SPATA33: variants seen among roughly 807,000 people sequenced by gnomAD.
SPATA33 encodes spermatogenesis-associated protein 33.
Under a neutral mutation model 8.9 loss-of-function variants are expected in SPATA33, and 10 were observed. That is an observed-to-expected ratio of 1.12 (90% CI 0.69 to 1.90). The LOEUF is 1.90. SPATA33 is among the 40% of genes most tolerant of loss of function. SPATA33 has a pLI of 0.00. For missense variants in SPATA33, 241 were observed against 178.3 expected (o/e 1.35, Z -2.00); for synonymous variants, 96 against 72.8 (o/e 1.32, Z -1.63).
chr16:89,657,960 G>A lies in SPATA33; in HGVS notation c.37+12G>A. Reference sequence around the variant, plus strand: ...GAAACCCAGGAAAGGTAAAGGAGGCGCAGGCGCTGGGCTCCCCGCGTCTCC... The same window carrying A: ...GAAACCCAGGAAAGGTAAAGGAGGCACAGGCGCTGGGCTCCCCGCGTCTCC... On this transcript the variant is annotated intron_variant, in intron 1 of 2. Transcript: ENST00000579310. 10 of 1,511,884 alleles carry A rather than the reference G, an allele frequency of 6.6e-6. No homozygotes were observed. Among genetic ancestry groups the A allele is most frequent in the Non-Finnish European group, 8.8e-6 (10 of 1,137,776 alleles). 93.7% of individuals were successfully genotyped at this position (1,511,884 alleles called of 1,614,324 possible).
At chr16:89,658,221 G>C in intron 1 of SPATA33, 27 bp from the exon 2 acceptor site, 1 of 1,613,466 alleles carries the variant, frequency 6.2e-7, no homozygotes, top group Non-Finnish European at 8.5e-7. Flanking sequence ...TAAGTCCCGG[G>C]TCTAACGGAT....
upstream of SPATA33, chr16:89,657,793 G>A (rs1407101320): frequency 2.1e-6 from 3 of 1,463,222 alleles, no homozygotes; most frequent in South Asian, 2.8e-5. Flanking sequence ...TGCGCGGCGC[G>A]CGGTCGCCAT....
chr16:89,662,587 C>A lies in SPATA33; in HGVS notation c.211+4166C>A, dbSNP rs550555473. ...TACAGGCGCCCGCCATGACGCCCAG[C>A]TAATTTTTTTTGTATTTTTAGTAGA... is the stretch of plus-strand genomic sequence containing the variant. On this transcript the variant is annotated intron_variant, in intron 2 of 2. Coordinates refer to ENST00000579310, the MANE Select transcript of SPATA33 (RefSeq NM_001271907.2). Among the ~76,000 whole-genome samples the A allele has an allele frequency of 9.9e-5, 15 of 151,908 alleles. No individual in the cohort carries two copies. In the South Asian group the frequency reaches 3.1e-3, roughly 32 times the overall value.
At chr16:89,661,453 G>A (rs1429981070) in intron 2 of SPATA33, 2 of 153,378 alleles carry the variant, frequency 1.3e-5, no homozygotes, top group Non-Finnish European at 2.9e-5. Flanking sequence ...TGATTGTGAG[G>A]CGTCCCCAGC....
chr16:89,666,729 G>A (rs1343950573), intron 2 of SPATA33, among the ~76,000 whole-genome samples: 1 of 152,226 alleles, frequency 6.6e-6, no homozygotes, highest in Non-Finnish European at 1.5e-5. Context: ...CAAAGGGGCA[G>A]GGTTAGGAGT....
Position 89,663,439 on chromosome 16 carries a change from C to G in SPATA33, c.211+5018C>G, listed in dbSNP as rs1038754672. Reference sequence around the variant, plus strand: ...TGTTGGTCAGGCTGGTCTCAAACTCCCGACCTCAGGTGATCCGCTTGCCTC... The same window carrying G: ...TGTTGGTCAGGCTGGTCTCAAACTCGCGACCTCAGGTGATCCGCTTGCCTC... On this transcript the variant is annotated intron_variant, in intron 2 of 2. Coordinates refer to ENST00000579310, the MANE Select transcript of SPATA33 (RefSeq NM_001271907.2). Among the ~76,000 whole-genome samples, 3 of 151,952 alleles carry G rather than the reference C, an allele frequency of 2.0e-5. No individual in the cohort carries two copies. In the South Asian group the frequency reaches 6.2e-4, roughly 31 times the overall value.
At chr16:89,658,023 C>A in intron 1 of SPATA33, 75 bp downstream of exon 1, 1 of 1,476,712 alleles carries the variant, frequency 6.8e-7, no homozygotes, top group Non-Finnish European at 8.9e-7. Context: ...CTGGGCTGGG[C>A]GGGGCGGTGT....
chr16:89,665,380 C>G (rs1479631268), intron 2 of SPATA33, among the ~76,000 whole-genome samples: 1 of 152,026 alleles, frequency 6.6e-6, no homozygotes, highest in East Asian at 1.9e-4. Flanking sequence ...TCTCTGCTCA[C>G]TGCAAGCTCC....
chr16:89,661,314 T>C (rs763301230), intron 2 of SPATA33: 1 of 638,262 alleles, frequency 1.6e-6, no homozygotes, highest in South Asian at 6.9e-5. Flanking sequence ...TTTCCTGTGC[T>C]GTTTTCGTGA....
rs1006311345 is a variant in SPATA33, at chr16:89,669,478, A to G, written c.404A>G (p.Asn135Ser). The change falls in exon 3 of 3, where the codon AAT becomes AGT. Residue 135 changes from asparagine (N) to serine (S), a missense_variant. Coordinates refer to ENST00000579310, the MANE Select transcript of SPATA33 (RefSeq NM_001271907.2). The stretch of plus-strand genomic sequence containing the variant: ...AACCCCAGTACAGCAGACGCCTATA[A>G]TTCACATCTCAAAGAATAAACAAGC... ...HRNPSTADAY[N>S]SHLKE The G allele has an allele frequency of 6.2e-7, 1 of 1,612,898 alleles. No homozygotes were observed. Among genetic ancestry groups the G allele is most frequent in the Non-Finnish European group, 8.5e-7 (1 of 1,179,992 alleles).
At chr16:89,669,205 C>T in intron 2 of SPATA33, 81 bp from the exon 3 acceptor site, 2 of 1,329,562 alleles carry the variant, frequency 1.5e-6, no homozygotes, top group Non-Finnish European at 2.2e-6. Context: ...TTCCTTTACT[C>T]TGACCAATGG....
intron 2 of SPATA33, among the ~76,000 whole-genome samples, chr16:89,666,123 C>T (rs1006144122): frequency 2.0e-5 from 3 of 151,972 alleles, no homozygotes; most frequent in African/African-American, 7.2e-5. Context: ...TAGGAAACAT[C>T]TGGAAAACCA....
chr16:89,664,434 G>T (rs1041208888), intron 2 of SPATA33, among the ~76,000 whole-genome samples: 6 of 152,196 alleles, frequency 3.9e-5, no homozygotes, highest in Non-Finnish European at 8.8e-5. Flanking sequence ...TGAGGAAGAG[G>T]GAGGTGTGTC....
chr16:89,669,610 C>T lies in SPATA33; in HGVS notation c.*113C>T, dbSNP rs569836288. The T allele has an allele frequency of 1.5e-5, 15 of 1,015,232 alleles. No homozygotes were observed. Among genetic ancestry groups the T allele is most frequent in the Non-Finnish European group, 1.1e-5 (8 of 698,160 alleles). The allele number at this position is 1,015,232 out of a possible 1,614,324, so 62.9% of individuals were successfully genotyped here. ...CTCCAGTGCTCTCGGGGAGGTTGCA[C>T]CAGGCCCACCCCACCCTGTGAGAAA... On this transcript the variant is annotated 3_prime_UTR_variant, in exon 3 of 3. Coordinates refer to ENST00000579310, the MANE Select transcript of SPATA33 (RefSeq NM_001271907.2).
chr16:89,662,628 C>T (rs1332781100), intron 2 of SPATA33, among the ~76,000 whole-genome samples: 3 of 151,990 alleles, frequency 2.0e-5, no homozygotes, highest in East Asian at 3.9e-4. Context: ...GGTTTCGCCA[C>T]GTTGGCTAGG....
chr16:89,658,357 T>G lies in SPATA33; in HGVS notation c.147T>G (p.Pro49=). 1 of 1,613,708 alleles carries G rather than the reference T, an allele frequency of 6.2e-7. No individual in the cohort carries two copies. Among genetic ancestry groups the G allele is most frequent in the Non-Finnish European group, 8.5e-7 (1 of 1,180,018 alleles). Residue 49 remains proline (P), a synonymous_variant, in exon 2 of 3, where the codon CCT becomes CCG. Coordinates refer to ENST00000579310, the MANE Select transcript of SPATA33 (RefSeq NM_001271907.2). The part of the protein sequence containing the change: ...ARQADRESEK[P]VDSLHPGAGT... Reference sequence around the variant, plus strand: ...AGGCAGACAGGGAGTCGGAGAAGCCTGTGGACAGCCTCCACCCGGGGGCCG... The same window carrying G: ...AGGCAGACAGGGAGTCGGAGAAGCCGGTGGACAGCCTCCACCCGGGGGCCG...
At chr16:89,662,066 T>C (rs2151528103) in intron 2 of SPATA33, among the ~76,000 whole-genome samples, 1 of 151,846 alleles carries the variant, frequency 6.6e-6, no homozygotes, top group Non-Finnish European at 1.5e-5. Flanking sequence ...CCGAGACGGG[T>C]GGATCACTTG....
At chr16:89,663,798 G>A (rs148581708) in intron 2 of SPATA33, among the ~76,000 whole-genome samples, 240 of 152,214 alleles carry the variant, frequency 1.6e-3, no homozygotes, top group African/African-American at 5.6e-3. Flanking sequence ...TCCTCGTGTC[G>A]ATAATGGTAC....
rs202161390 is a variant in SPATA33 at position 89,658,309 on chromosome 16, G to C, written c.99G>C (p.Glu33Asp). ...SVPKSKEKLM[E>D]KHSQEARQAD... Reference sequence around the variant, plus strand: ...CAAAATCTAAGGAGAAGTTGATGGAGAAGCATTCCCAGGAAGCCAGGCAGG... The same window carrying C: ...CAAAATCTAAGGAGAAGTTGATGGACAAGCATTCCCAGGAAGCCAGGCAGG... Residue 33 changes from glutamate (E) to aspartate (D), a missense_variant, in exon 2 of 3, where the codon GAG becomes GAC. Coordinates refer to ENST00000579310, the MANE Select transcript of SPATA33 (RefSeq NM_001271907.2). 1 of 1,614,174 alleles carries C rather than the reference G, an allele frequency of 6.2e-7. No homozygotes were observed. Among genetic ancestry groups the C allele is most frequent in the East Asian group, 2.2e-5 (1 of 44,880 alleles).
Sources: allele counts gnomAD v4.1 joint callset (sites outside exome capture counted in the v4.1 genomes callset), GRCh38; gene constraint gnomAD v4.1.1; transcripts MANE v1.5; gene names NCBI Gene and HGNC (gene_info 2026-07-23, HGNC 2026-07-21).